PDE4D: variants seen among roughly 807,000 people sequenced by gnomAD.
The protein encoded by PDE4D is phosphodiesterase 4D.
Under a neutral mutation model 87.4 loss-of-function variants are expected in PDE4D, and 24 were observed. The ratio of observed to expected loss-of-function variants is 0.27; its 90% CI spans 0.20 to 0.39. The LOEUF (loss-of-function observed/expected upper bound fraction) is 0.39. PDE4D is among the 10% of genes least tolerant of loss of function. The probability of loss-of-function intolerance (pLI) is 1.00; values close to 1 mark genes in which losing one functional copy is unlikely to be tolerated. For synonymous variants in PDE4D, 384 were observed against 383.2 expected, an observed-to-expected ratio of 1.00 and a Z score of -0.02; for missense variants, 714 against 1,041.0, an observed-to-expected ratio of 0.69 and a Z score of 4.32.
chr5:60,500,501 G>A (rs917330027), intron 1 of PDE4D, among the ~76,000 whole-genome samples: 1 of 152,026 alleles, frequency 6.6e-6, no homozygotes, highest in Non-Finnish European at 1.5e-5. Flanking sequence ...AAGGAACTTG[G>A]TAAATAGATG....
intron 1 of PDE4D, among the ~76,000 whole-genome samples, chr5:59,449,275 A>G (rs1322183287): frequency 6.6e-6 from 1 of 152,164 alleles, no homozygotes; most frequent in Non-Finnish European, 1.5e-5. Context: ...TTACTACTTG[A>G]GACAGCAAAT....
At chr5:60,009,185 G>T (rs550680289) in intron 2 of PDE4D, among the ~76,000 whole-genome samples, 1 of 151,956 alleles carries the variant, frequency 6.6e-6, no homozygotes. Context: ...TTTATCAAAC[G>T]TTGAAATTCA....
At chr5:59,868,970 GGGCTA>G (rs1443878300) in intron 1 of PDE4D, among the ~76,000 whole-genome samples, 1 of 152,074 alleles carries the variant, frequency 6.6e-6, no homozygotes, top group Non-Finnish European at 1.5e-5. Flanking sequence ...CTTTTGTAAG[GGGCTA>G]ACAAAAGTTG....
At chr5:59,840,667 C>T (rs965305891) in intron 1 of PDE4D, among the ~76,000 whole-genome samples, 2 of 152,032 alleles carry the variant, frequency 1.3e-5, no homozygotes, top group Non-Finnish European at 2.9e-5. Context: ...GAGACCGCCA[C>T]ACAGAAGAGG....
intron 1 of PDE4D, among the ~76,000 whole-genome samples, chr5:59,494,802 C>G (rs1806857006): frequency 6.6e-6 from 1 of 152,082 alleles, no homozygotes; most frequent in African/African-American, 2.4e-5. Context: ...CGTAAACATG[C>G]CCCTCAAAAT....
In PDE4D at chr5:59,048,860, G is replaced by T. The variant is rs1331526550; in HGVS notation, c.809-9889C>A. Among the ~76,000 whole-genome samples, 7 of 152,160 alleles carry T rather than the reference G, an allele frequency of 4.6e-5. No individual in the cohort carries two copies. In the South Asian group the frequency reaches 1.5e-3, roughly 32 times the overall value. On this transcript the variant is annotated intron_variant, in intron 5 of 14. Transcript: ENST00000340635. ...CACCTTCAGTCAAATTCTCATCTGT[G>T]TATTTCTAGATTCATATAATGGTCT... is the stretch of plus-strand genomic sequence containing the variant.
chr5:60,095,607 A>G (rs911068110), intron 2 of PDE4D, among the ~76,000 whole-genome samples: 1 of 152,092 alleles, frequency 6.6e-6, no homozygotes, highest in Non-Finnish European at 1.5e-5. Flanking sequence ...CTGGTTTGAG[A>G]TCTTTGAGGA....
chr5:59,829,469 C>G (rs1173531757), intron 1 of PDE4D, among the ~76,000 whole-genome samples: 4 of 151,978 alleles, frequency 2.6e-5, no homozygotes, highest in Non-Finnish European at 5.9e-5. Flanking sequence ...GGGCTGGCAG[C>G]TCCTGTTATA....
rs900717981 is a variant in PDE4D, at chr5:59,691,130, A to C, written c.455+202038T>G. Among the ~76,000 whole-genome samples, 22 of 152,344 alleles carry C rather than the reference A, an allele frequency of 1.4e-4. No homozygotes were observed. The East Asian group carries it at 4.1e-3, about 28-fold the overall frequency. ...AGTTTTACACTGTTGGTGGGACTGT[A>C]AACTAGTTCAACCATTGTGGAAGAC... is the stretch of plus-strand genomic sequence containing the variant. On this transcript the variant is annotated intron_variant, in intron 1 of 14. Coordinates refer to ENST00000340635, the MANE Select transcript of PDE4D (RefSeq NM_001104631.2).
At chr5:59,373,694 G>A (rs372117218) in intron 1 of PDE4D, among the ~76,000 whole-genome samples, 8 of 152,188 alleles carry the variant, frequency 5.3e-5, no homozygotes, top group African/African-American at 1.9e-4. Context: ...TCCTGGTAAG[G>A]TACTTCACAA....
At chr5:59,280,695 T>C (rs1173047242) in intron 1 of PDE4D, among the ~76,000 whole-genome samples, 1 of 152,092 alleles carries the variant, frequency 6.6e-6, no homozygotes, top group Non-Finnish European at 1.5e-5. Flanking sequence ...CCAGCATTGA[T>C]TCCTGATCCC....
chr5:59,513,636 G>GA (rs906871201), intron 1 of PDE4D, among the ~76,000 whole-genome samples: 42 of 151,068 alleles, frequency 2.8e-4, no homozygotes, highest in South Asian at 6.3e-4. Context: ...ACGTAGCATA[G>GA]AAAAAAAAAT....
intron 2 of PDE4D, among the ~76,000 whole-genome samples, chr5:60,084,413 C>T (rs978898088): frequency 1.4e-4 from 21 of 151,692 alleles, no homozygotes; most frequent in African/African-American, 2.9e-4. Context: ...TGTGCGCGCG[C>T]GCGTGTGCGC....
intron 6 of PDE4D, among the ~76,000 whole-genome samples, chr5:59,015,477 A>G (rs954593451): frequency 1.3e-5 from 2 of 152,178 alleles, no homozygotes; most frequent in African/African-American, 4.8e-5. Flanking sequence ...ATGAACAGAC[A>G]CTTCTCAAAA....
intron 1 of PDE4D, among the ~76,000 whole-genome samples, chr5:59,488,052 T>C (rs1463361992): frequency 6.6e-6 from 1 of 151,628 alleles, no homozygotes; most frequent in Admixed American, 6.6e-5. Flanking sequence ...ATTCCAGAGC[T>C]GACTACTAAG....
At chr5:59,943,034 AC>A (rs974402207) in intron 3 of PDE4D, among the ~76,000 whole-genome samples, 15 of 152,046 alleles carry the variant, frequency 9.9e-5, no homozygotes, top group Non-Finnish European at 2.1e-4. Context: ...GTCAAGAGAA[AC>A]CCTAACATAG....
intron 1 of PDE4D, among the ~76,000 whole-genome samples, chr5:60,292,722 C>T (rs185783731): frequency 6.6e-4 from 101 of 152,232 alleles, no homozygotes; most frequent in African/African-American, 2.4e-3. Context: ...TCTAATTAGA[C>T]GAACAGGTCC....
At chr5:60,232,358 G>A (rs1249982760) in intron 1 of PDE4D, among the ~76,000 whole-genome samples, 1 of 151,836 alleles carries the variant, frequency 6.6e-6, no homozygotes, top group Non-Finnish European at 1.5e-5. Flanking sequence ...GCCTTTTTGA[G>A]TCAAGGAATA....
chr5:59,114,992 A>G (rs1293797262), intron 5 of PDE4D, among the ~76,000 whole-genome samples: 2 of 152,082 alleles, frequency 1.3e-5, no homozygotes, highest in Non-Finnish European at 2.9e-5. Context: ...ATCAAAGAGG[A>G]AGGGAATTTT....
Sources: gnomAD v4.1 joint callset for allele counts (sites outside exome capture counted in the v4.1 genomes callset) on GRCh38, gnomAD v4.1.1 for gene constraint, MANE v1.5 for transcripts, NCBI Gene and HGNC (gene_info 2026-07-23, HGNC 2026-07-21) for gene names.